ANKS1A: variants seen among roughly 807,000 people sequenced by gnomAD.
The protein encoded by ANKS1A is ankyrin repeat and SAM domain-containing protein 1A.
Under a neutral mutation model 120.3 loss-of-function variants are expected in ANKS1A, and 55 were observed. The observed-to-expected ratio is 0.46, with a 90% CI of 0.37 to 0.57. The LOEUF is 0.57. ANKS1A is among the 20% of genes least tolerant of loss of function. The pLI is 0.00. For synonymous variants in ANKS1A, 590 were observed against 604.7 expected (o/e 0.98, Z 0.36); for missense variants, 1,123 against 1,480.3 (o/e 0.76, Z 3.96).
In ANKS1A at chr6:35,018,106, C is replaced by T. The variant is rs200785635; in HGVS notation, c.2010+47C>T. The T allele has an allele frequency of 7.6e-4, 1,198 of 1,571,948 alleles. 2 individuals carry two copies. The highest frequency in any genetic ancestry group is 7.8e-4 in the Non-Finnish European group (901 of 1,153,908). On this transcript the variant is annotated intron_variant, in intron 11 of 23. Coordinates refer to ENST00000360359, the MANE Select transcript of ANKS1A (RefSeq NM_015245.3). Reference sequence around the variant, plus strand: ...AGGGAGCTGGGCTGGCCAGGCTGGCCGCAGCCCACCACAGCTCCCGTGAGT... The same window carrying T: ...AGGGAGCTGGGCTGGCCAGGCTGGCTGCAGCCCACCACAGCTCCCGTGAGT...
intron 10 of ANKS1A, among the ~76,000 whole-genome samples, chr6:35,006,806 C>T (rs948000122): frequency 6.6e-6 from 1 of 151,862 alleles, no homozygotes; most frequent in Non-Finnish European, 1.5e-5. Context: ...CTACTATGTA[C>T]CCACAAAAAT....
At chr6:34,919,248 T>G (rs1206783687) in intron 1 of ANKS1A, among the ~76,000 whole-genome samples, 1 of 152,204 alleles carries the variant, frequency 6.6e-6, no homozygotes, top group East Asian at 1.9e-4. Context: ...CAGTTCCTTG[T>G]GAAGGTTCCC....
intron 11 of ANKS1A, among the ~76,000 whole-genome samples, chr6:35,030,725 T>C (rs1020644208): frequency 6.6e-6 from 1 of 152,216 alleles, no homozygotes; most frequent in Non-Finnish European, 1.5e-5. Flanking sequence ...GGTTTTACCT[T>C]CTTGGTAGGT....
At position 35,078,593 on chromosome 6, in the gene ANKS1A, C is replaced by T; in HGVS notation, c.2220C>T (p.Asp740=). Residue 740 remains aspartate (D), a synonymous_variant, in exon 14 of 24, where the codon GAC becomes GAT. Coordinates refer to ENST00000360359, the MANE Select transcript of ANKS1A (RefSeq NM_015245.3). ...SNVMEEQDLR[D]IGISDPQHRR... ...TGATGGAAGAGCAGGACCTGCGGGA[C>T]ATCGGCATCAGCGACCCACAGCACC... 11 of 1,609,300 alleles carry T rather than the reference C, an allele frequency of 6.8e-6. No individual in the cohort carries two copies. The highest frequency in any genetic ancestry group is 8.5e-6 in the Non-Finnish European group (10 of 1,179,940).
intron 13 of ANKS1A, among the ~76,000 whole-genome samples, chr6:35,077,955 T>C (rs1777455943): frequency 6.6e-6 from 1 of 152,218 alleles, no homozygotes; most frequent in Non-Finnish European, 1.5e-5. Flanking sequence ...GGGCGCTCCG[T>C]GTGCCTCTCC....
chr6:34,985,288 C>G lies in ANKS1A; in HGVS notation c.1209+10C>G. ...TGCTGGAGTGAGGCCTGTATGTGAC[C>G]CGGGGCTTACACCTCCTGGGGGCTG... is the stretch of plus-strand genomic sequence containing the variant. On this transcript the variant is annotated intron_variant, in intron 8 of 23. Transcript: ENST00000360359. The G allele has an allele frequency of 6.2e-7, 1 of 1,611,400 alleles. No homozygotes were observed. Among genetic ancestry groups the G allele is most frequent in the Non-Finnish European group, 8.5e-7 (1 of 1,179,020 alleles).
chr6:34,921,393 A>G (rs1454911970), intron 1 of ANKS1A, among the ~76,000 whole-genome samples: 1 of 152,250 alleles, frequency 6.6e-6, no homozygotes, highest in Non-Finnish European at 1.5e-5. Context: ...TTGTCCCTGT[A>G]GAAAGCCTTT....
rs1771951380 is a variant in ANKS1A, at chr6:34,982,443, G to A, written c.733-309G>A. On this transcript the variant is annotated intron_variant, in intron 4 of 23. Transcript: ENST00000360359. The surrounding 1 kb of genome is among the most constrained non-coding windows in gnomAD (Gnocchi z 4.9). ...CATTTGAAGTGAGGGTGTTTCTGTTGTACTTTTCTTCTTATTACTCCTTCC... is the reference window on the plus strand; with the variant it reads ...CATTTGAAGTGAGGGTGTTTCTGTTATACTTTTCTTCTTATTACTCCTTCC... 1.3e-5 allele frequency among the ~76,000 whole-genome samples: 2 copies of A among 152,114 alleles called. No homozygotes were observed. Among genetic ancestry groups the A allele is most frequent in the Admixed American group, 6.5e-5 (1 of 15,270 alleles).
At chr6:34,966,603 G>C (rs1770906982) in intron 1 of ANKS1A, among the ~76,000 whole-genome samples, 1 of 152,214 alleles carries the variant, frequency 6.6e-6, no homozygotes, top group South Asian at 2.1e-4. Context: ...TCTGGTCAAT[G>C]CAGTAAGGCC....
chr6:34,910,858 C>T (rs561256587), intron 1 of ANKS1A, among the ~76,000 whole-genome samples: 6 of 125,826 alleles, frequency 4.8e-5, no homozygotes, highest in African/African-American at 2.1e-4. Context: ...GAAACTCCAT[C>T]TCAAAAAAAA....
chr6:34,901,949 T>TA (rs1160224889), intron 1 of ANKS1A, among the ~76,000 whole-genome samples: 4 of 152,216 alleles, frequency 2.6e-5, no homozygotes, highest in Admixed American at 1.3e-4. Context: ...GCTCTGAAAA[T>TA]ACCTATGGGT....
rs1561968594 is a variant in ANKS1A, at chr6:35,084,509, T to TC, written c.3132+251_3132+252insC. ...GGTTCCAGCTTTTTTTTTTTTTTTT[T>TC]AAGAGATGGAGTCTCACTATGTTGC... On this transcript the variant is annotated intron_variant, in intron 21 of 23. Transcript: ENST00000360359. This position sits in a 1 kb window ranked among gnomAD's most constrained non-coding sequence, Gnocchi z 4.8. Among the ~76,000 whole-genome samples, 4 of 150,828 alleles carry TC rather than the reference T, an allele frequency of 2.7e-5. No individual in the cohort carries two copies. Among genetic ancestry groups the TC allele is most frequent in the Non-Finnish European group, 4.4e-5 (3 of 67,604 alleles).
rs1775604193 is a variant in ANKS1A, at chr6:35,044,088, A to G, written c.2011-10011A>G. Among the ~76,000 whole-genome samples the G allele has an allele frequency of 6.6e-6, 1 of 152,212 alleles. No homozygotes were observed. ...ATTTTCTATTTTCATCAACAAATAT[A>G]ACCATCCTAAGCAGTTTTGGAAATG... is the stretch of plus-strand genomic sequence containing the variant. On this transcript the variant is annotated intron_variant, in intron 11 of 23. Coordinates refer to ENST00000360359, the MANE Select transcript of ANKS1A (RefSeq NM_015245.3). The surrounding 1 kb of genome is among the most constrained non-coding windows in gnomAD (Gnocchi z 4.4).
In ANKS1A at chr6:34,889,316, G is replaced by T. The variant is rs769054409; in HGVS notation, c.-87G>T. ...GGTGTCCCCAGCCGGTTTGGGGGGT[G>T]CGTTGCCCGGAGACGGAAAGTTTGG... On this transcript the variant is annotated 5_prime_UTR_variant, in exon 1 of 24. Coordinates refer to ENST00000360359, the MANE Select transcript of ANKS1A (RefSeq NM_015245.3). The surrounding 1 kb of genome is among the most constrained non-coding windows in gnomAD (Gnocchi z 5.5). 58 of 1,224,672 alleles carry T rather than the reference G, an allele frequency of 4.7e-5. No individual in the cohort carries two copies. Among genetic ancestry groups the T allele is most frequent in the Middle Eastern group, 3.2e-4 (1 of 3,174 alleles). The allele number at this position is 1,224,672 out of a possible 1,614,324, so 75.9% of individuals were successfully genotyped here. A position where few individuals can be genotyped will look rare whatever the true frequency, so the allele number is the denominator to read the frequency against.
At chr6:35,037,501 A>G (rs966615945) in intron 11 of ANKS1A, among the ~76,000 whole-genome samples, 3 of 152,206 alleles carry the variant, frequency 2.0e-5, no homozygotes, top group South Asian at 4.1e-4. Flanking sequence ...AAGGAAACCA[A>G]TAAAGGATTT....
At chr6:34,936,220 A>G (rs1769250707) in intron 1 of ANKS1A, among the ~76,000 whole-genome samples, 2 of 152,200 alleles carry the variant, frequency 1.3e-5, no homozygotes, top group South Asian at 2.1e-4. Context: ...CATTATGCCA[A>G]CCAGCTCTTA....
rs1370091202 is a variant in ANKS1A at position 35,088,714 on chromosome 6, TCAC to T, written c.*107_*109del. The T allele has an allele frequency of 8.1e-6, 13 of 1,610,990 alleles. No homozygotes were observed. The African/African-American group carries it at 1.7e-4, about 22-fold the overall frequency. On this transcript the variant is annotated 3_prime_UTR_variant, in exon 24 of 24. Transcript: ENST00000360359. ...ACCTGCAGCTCTGAAGACCCAGGCC[TCAC>T]CTCCGCCTGCAGGACCTCCTCTTGG...
At chr6:35,061,456 G>C (rs919353271) in intron 13 of ANKS1A, among the ~76,000 whole-genome samples, 1 of 152,164 alleles carries the variant, frequency 6.6e-6, no homozygotes, top group Non-Finnish European at 1.5e-5. Context: ...CATGCAGCTC[G>C]CACCACCTGC....
chr6:35,039,723 G>A, intron 11 of ANKS1A: 1 of 424,574 alleles, frequency 2.4e-6, no homozygotes, highest in South Asian at 1.6e-5. Context: ...AGAAGGAAGG[G>A]TGAGAAAGGT....
Sources: allele counts gnomAD v4.1 joint callset (sites outside exome capture counted in the v4.1 genomes callset), GRCh38; gene constraint gnomAD v4.1.1; non-coding constraint Gnocchi (gnomAD v3.1); transcripts MANE v1.5; gene names NCBI Gene and HGNC (gene_info 2026-07-23, HGNC 2026-07-21).